PTPRN2: variants seen among roughly 807,000 people sequenced by gnomAD.
PTPRN2 encodes receptor-type tyrosine-protein phosphatase N2.
Under a neutral mutation model 118.8 loss-of-function variants are expected in PTPRN2, and 74 were observed. The observed-to-expected ratio is 0.62, with a 90% confidence interval of 0.52 to 0.76. The LOEUF is 0.76. Among genes scored for constraint, PTPRN2 ranks in the 30% least tolerant of loss-of-function variants. The pLI is 0.00. For synonymous variants in PTPRN2, 641 were observed against 608.0 expected (o/e 1.05, Z -0.80); for missense variants, 1,481 against 1,394.4 (o/e 1.06, Z -0.99).
chr7:157,803,402 G>A (rs1297325669), intron 12 of PTPRN2, among the ~76,000 whole-genome samples: 3 of 152,230 alleles, frequency 2.0e-5, no homozygotes, highest in African/African-American at 7.2e-5. Flanking sequence ...TGGATTTGCT[G>A]ATTGTTTCCC....
intron 1 of PTPRN2, among the ~76,000 whole-genome samples, chr7:158,498,568 G>A (rs181297518): frequency 1.7e-3 from 179 of 103,726 alleles, no homozygotes; most frequent in Non-Finnish European, 3.4e-3. Flanking sequence ...GTTTTTAATC[G>A]GCTCTGGTTT....
chr7:158,462,374 T>C (rs556883139), intron 2 of PTPRN2, among the ~76,000 whole-genome samples: 5 of 152,306 alleles, frequency 3.3e-5, no homozygotes, highest in African/African-American at 9.6e-5. Flanking sequence ...GGCATTTGTC[T>C]GGTGTGCTGG....
intron 12 of PTPRN2, among the ~76,000 whole-genome samples, chr7:157,811,024 C>T (rs1425594042): frequency 6.6e-6 from 1 of 152,030 alleles, no homozygotes; most frequent in African/African-American, 2.4e-5. Flanking sequence ...GTAATCCTAG[C>T]ACTTTGGGAG....
chr7:158,130,612 A>T (rs1563477863), intron 9 of PTPRN2, among the ~76,000 whole-genome samples: 1 of 151,588 alleles, frequency 6.6e-6, no homozygotes, highest in East Asian at 1.9e-4. Context: ...TCTACCCTAC[A>T]TACACACTCA....
At chr7:158,317,050 A>G (rs1332137007) in intron 2 of PTPRN2, 118 bp from the exon 3 acceptor site, 1 of 720,674 alleles carries the variant, frequency 1.4e-6, no homozygotes, top group Non-Finnish European at 2.2e-6. Context: ...GTTTTGGAGC[A>G]CGGCGTCACC....
chr7:157,721,256 C>T (rs1297326668), intron 12 of PTPRN2, among the ~76,000 whole-genome samples: 3 of 152,196 alleles, frequency 2.0e-5, no homozygotes, highest in Non-Finnish European at 4.4e-5. Context: ...GCTGCATCCA[C>T]AAGGGAGATT....
chr7:158,016,694 G>C (rs1463312674), intron 11 of PTPRN2, among the ~76,000 whole-genome samples: 3 of 152,232 alleles, frequency 2.0e-5, no homozygotes, highest in Non-Finnish European at 4.4e-5. Context: ...TCCATCCAGC[G>C]TGTGCTGAAG....
chr7:158,529,369 C>A lies in PTPRN2; in HGVS notation c.113-39584G>T, dbSNP rs759702251. On this transcript the variant is annotated intron_variant, in intron 1 of 22. Transcript: ENST00000389418. The surrounding 1 kb of genome is among the most constrained non-coding windows in gnomAD (Gnocchi z 4.7). Reference sequence around the variant, plus strand: ...GCCCCAGAGCAAGCATTGGCTGTGTCGGCAGAGGAAGGTGGGAAGGCCCAG... The same window carrying A: ...GCCCCAGAGCAAGCATTGGCTGTGTAGGCAGAGGAAGGTGGGAAGGCCCAG... Among the ~76,000 whole-genome samples the A allele has an allele frequency of 2.1e-4, 32 of 152,196 alleles. No homozygotes were observed. Among genetic ancestry groups the A allele is most frequent in the Non-Finnish European group, 4.0e-4 (27 of 68,032 alleles).
chr7:158,162,379 T>C (rs887500625), intron 6 of PTPRN2, among the ~76,000 whole-genome samples: 5 of 152,170 alleles, frequency 3.3e-5, no homozygotes, highest in African/African-American at 1.2e-4. Flanking sequence ...GGCCCATCTA[T>C]ACAATGGAGT....
At position 157,960,537 on chromosome 7, in the gene PTPRN2, TA is replaced by T. The variant is rs572076526; in HGVS notation, c.1724-61801del. On this transcript the variant is annotated intron_variant, in intron 11 of 22. Transcript: ENST00000389418. ...AAATACATCTTTAATTCTTTCCATT[TA>T]AAAAATGTGCAGTAAACATTAGATA... Among the ~76,000 whole-genome samples the T allele has an allele frequency of 4.0e-3, 613 of 152,320 alleles. 7 individuals carry two copies. Among genetic ancestry groups the T allele is most frequent in the African/African-American group, 0.014 (569 of 41,578 alleles).
At chr7:158,159,337 C>T (rs1327133867) in intron 6 of PTPRN2, among the ~76,000 whole-genome samples, 1 of 152,214 alleles carries the variant, frequency 6.6e-6, no homozygotes, top group Non-Finnish European at 1.5e-5. Flanking sequence ...ACATGAACAC[C>T]ACGGGCCCCA....
At chr7:157,829,678 G>A (rs182682197) in intron 12 of PTPRN2, among the ~76,000 whole-genome samples, 226 of 152,356 alleles carry the variant, frequency 1.5e-3, no homozygotes, top group African/African-American at 5.1e-3. Flanking sequence ...GAGCATGACC[G>A]TGCACCCACC....
intron 12 of PTPRN2, among the ~76,000 whole-genome samples, chr7:157,873,731 T>C (rs909103516): frequency 6.6e-6 from 1 of 152,096 alleles, no homozygotes; most frequent in African/African-American, 2.4e-5. Context: ...CAGAATTTCC[T>C]GCGCTGGTCT....
intron 11 of PTPRN2, among the ~76,000 whole-genome samples, chr7:157,954,309 G>A (rs570275310): frequency 4.6e-4 from 66 of 142,924 alleles, no homozygotes; most frequent in South Asian, 3.7e-3. Flanking sequence ...GGTGGTACCC[G>A]TGTACTGTGT....
In PTPRN2 at chr7:158,303,182, A is replaced by AAAAAAAAAAAC. The variant is rs1274915635; in HGVS notation, c.277+13636_277+13637insGTTTTTTTTTT. On this transcript the variant is annotated intron_variant, in intron 3 of 22. Transcript: ENST00000389418. Reference sequence around the variant, plus strand: ...CACTAACCCACCAAAAAAAAAAAAAAAAATTCTTTGGAGTCTTCAGTAATT... The same window carrying AAAAAAAAAAAC: ...CACTAACCCACCAAAAAAAAAAAAAAAAAAAAAAAACAAATTCTTTGGAGTCTTCAGTAATT... Among the ~76,000 whole-genome samples the AAAAAAAAAAAC allele has an allele frequency of 3.9e-3, 594 of 151,460 alleles. 5 individuals carry two copies. The highest frequency in any genetic ancestry group is 0.013 in the African/African-American group (549 of 40,794).
intron 3 of PTPRN2, among the ~76,000 whole-genome samples, chr7:158,214,571 G>C (rs1295252972): frequency 1.3e-5 from 2 of 152,050 alleles, no homozygotes; most frequent in African/African-American, 2.4e-5. Flanking sequence ...TGCCAACAAA[G>C]GCCAAATGGG....
At chr7:158,109,086 C>G (rs532625257) in intron 10 of PTPRN2, among the ~76,000 whole-genome samples, 168 of 150,214 alleles carry the variant, frequency 1.1e-3, no homozygotes, top group African/African-American at 3.7e-3. Context: ...AATGACATCA[C>G]CCCTGTGTGA....
At chr7:157,612,876 C>G (rs1239750601) in intron 15 of PTPRN2, among the ~76,000 whole-genome samples, 1 of 152,210 alleles carries the variant, frequency 6.6e-6, no homozygotes, top group Non-Finnish European at 1.5e-5. Context: ...GGGAGCAGCT[C>G]CGGCGGCACA....
At chr7:157,657,385 C>A (rs1795585320) in intron 13 of PTPRN2, among the ~76,000 whole-genome samples, 1 of 131,682 alleles carries the variant, frequency 7.6e-6, no homozygotes, top group African/African-American at 3.0e-5. Flanking sequence ...CACACAAACG[C>A]CACACACACA....
Sources: gnomAD v4.1 joint callset for allele counts (sites outside exome capture counted in the v4.1 genomes callset) on GRCh38, gnomAD v4.1.1 for gene constraint, Gnocchi (gnomAD v3.1) non-coding constraint, MANE v1.5 for transcripts, NCBI Gene and HGNC (gene_info 2026-07-23, HGNC 2026-07-21) for gene names.